Variants in MTA3 observed in about 807,000 individuals in gnomAD.
The protein encoded by MTA3 is metastasis associated 1 family member 3.
In MTA3, 34 loss-of-function variants were observed where a neutral mutation model predicts 83.5. That is an observed-to-expected ratio of 0.41 (90% CI 0.31 to 0.54). The LOEUF (loss-of-function observed/expected upper bound fraction) is 0.54. Ranked by LOEUF, MTA3 falls within the 20% of genes least tolerant of loss-of-function variation. MTA3 has a pLI of 0.33. For synonymous variants in MTA3, 303 were observed against 252.7 expected, an observed-to-expected ratio of 1.20 and a Z score of -1.89; for missense variants, 761 against 726.4, an observed-to-expected ratio of 1.05 and a Z score of -0.55.
chr2:42,599,467 G>A (rs1434764357), intron 3 of MTA3, among the ~76,000 whole-genome samples: 4 of 151,976 alleles, frequency 2.6e-5, no homozygotes, highest in Admixed American at 2.6e-4. Context: ...GTGGTGGCGG[G>A]CGCCTCCAGC....
intron 8 of MTA3, among the ~76,000 whole-genome samples, chr2:42,678,705 C>T (rs1416425768): frequency 2.0e-5 from 3 of 152,164 alleles, no homozygotes; most frequent in Non-Finnish European, 2.9e-5. Flanking sequence ...TTTACATGTT[C>T]TAAATACTGC....
At position 42,610,374 on chromosome 2, in the gene MTA3, A is replaced by G. The variant is rs115998816; in HGVS notation, c.317+790A>G. ...GGATGAAAACTTTATATTCTTTACT[A>G]TTCCTTAATAACACCTGATGTATGC... On this transcript the variant is annotated intron_variant, in intron 4 of 16. Coordinates refer to ENST00000405094, the MANE Select transcript of MTA3 (RefSeq NM_001330442.2). Among the ~76,000 whole-genome samples, 668 of 152,282 alleles carry G rather than the reference A, an allele frequency of 4.4e-3. 5 individuals are homozygous for G. The highest frequency in any genetic ancestry group is 0.015 in the African/African-American group (640 of 41,570).
chr2:42,540,894 G>A (rs1460013408), intron 2 of MTA3, among the ~76,000 whole-genome samples: 1 of 151,318 alleles, frequency 6.6e-6, no homozygotes, highest in African/African-American at 2.4e-5. Context: ...GCCTTTTAAT[G>A]TTAGCCATTC....
chr2:42,611,294 A>G (rs1684181109), intron 4 of MTA3, among the ~76,000 whole-genome samples: 2 of 147,034 alleles, frequency 1.4e-5, no homozygotes, highest in African/African-American at 5.1e-5. Flanking sequence ...AGGTTTGTAG[A>G]CTTTCTAAAG....
At chr2:42,582,427 A>G (rs1390884816) in intron 3 of MTA3, among the ~76,000 whole-genome samples, 1 of 152,190 alleles carries the variant, frequency 6.6e-6, no homozygotes, top group South Asian at 2.1e-4. Context: ...TTGCATATAT[A>G]CTTTAATACA....
intron 9 of MTA3, among the ~76,000 whole-genome samples, chr2:42,693,622 C>G (rs757409921): frequency 1.3e-5 from 2 of 151,952 alleles, no homozygotes; most frequent in East Asian, 1.9e-4. Context: ...GGAATGCTGT[C>G]CGGCCTGGGA....
At chr2:42,549,316 TAA>T (rs1676968151) in intron 2 of MTA3, among the ~76,000 whole-genome samples, 1 of 117,428 alleles carries the variant, frequency 8.5e-6, no homozygotes, top group Non-Finnish European at 1.7e-5. Flanking sequence ...ATATAATATA[TAA>T]TATATTATAT....
intron 9 of MTA3, among the ~76,000 whole-genome samples, chr2:42,692,894 A>C (rs373519555): frequency 4.6e-5 from 7 of 152,312 alleles, no homozygotes; most frequent in African/African-American, 1.7e-4. Context: ...TGTAGTCTTC[A>C]CAGTCTGGGC....
chr2:42,582,989 T>A (rs962964793), intron 3 of MTA3, among the ~76,000 whole-genome samples: 1 of 152,134 alleles, frequency 6.6e-6, no homozygotes, highest in Non-Finnish European at 1.5e-5. Context: ...TTTCATAACT[T>A]CTTAGTGATT....
chr2:42,616,588 T>C (rs1470528484), intron 4 of MTA3, among the ~76,000 whole-genome samples: 2 of 133,440 alleles, frequency 1.5e-5, no homozygotes, highest in Non-Finnish European at 1.6e-5. Flanking sequence ...TTTTTTTTTT[T>C]TTTTTTTTGA....
intron 2 of MTA3, among the ~76,000 whole-genome samples, chr2:42,496,395 T>TCAATATAATCTGG (rs1172042485): frequency 6.6e-6 from 1 of 152,204 alleles, no homozygotes; most frequent in Admixed American, 6.5e-5. Flanking sequence ...TAGGCTTGTC[T>TCAATATAATCTGG]CAATATAATC....
At chr2:42,628,734 A>C (rs897476117) in intron 4 of MTA3, among the ~76,000 whole-genome samples, 5 of 149,862 alleles carry the variant, frequency 3.3e-5, no homozygotes, top group African/African-American at 1.2e-4. Flanking sequence ...GTCTCTTTTT[A>C]AAACTGAGTT....
At chr2:42,504,476 G>C (rs532948330) in intron 2 of MTA3, among the ~76,000 whole-genome samples, 1 of 152,102 alleles carries the variant, frequency 6.6e-6, no homozygotes, top group African/African-American at 2.4e-5. Flanking sequence ...CCTGACCTCA[G>C]GTGATCCAGC....
At chr2:42,667,608 GTA>G (rs1553379040) in intron 8 of MTA3, among the ~76,000 whole-genome samples, 3 of 119,326 alleles carry the variant, frequency 2.5e-5, no homozygotes, top group East Asian at 2.2e-4. Flanking sequence ...GTGTGTGTGT[GTA>G]TAGAGAGAGA....
intron 13 of MTA3, 141 bp from the exon 14 acceptor site, chr2:42,708,733 T>C: frequency 1.2e-6 from 1 of 841,282 alleles, no homozygotes; most frequent in African/African-American, 1.7e-5. Flanking sequence ...ATTCTCTCTT[T>C]TAGAGGTAGT....
intron 2 of MTA3, among the ~76,000 whole-genome samples, chr2:42,554,874 A>G (rs1321253678): frequency 6.6e-6 from 1 of 152,078 alleles, no homozygotes; most frequent in African/African-American, 2.4e-5. Context: ...ACACCCTACT[A>G]CCCTTCTTCC....
At chr2:42,655,433 C>G (rs1689076539) in intron 6 of MTA3, among the ~76,000 whole-genome samples, 1 of 152,100 alleles carries the variant, frequency 6.6e-6, no homozygotes, top group South Asian at 2.1e-4. Context: ...CCCTTTAGTT[C>G]TTAGCAGAAG....
intron 2 of MTA3, among the ~76,000 whole-genome samples, chr2:42,519,246 C>G (rs1675299367): frequency 1.3e-5 from 2 of 152,086 alleles, no homozygotes; most frequent in South Asian, 4.1e-4. Context: ...TCAGACAAAT[C>G]CCAATAGAGG....
chr2:42,701,106 T>C (rs770069477), intron 11 of MTA3, among the ~76,000 whole-genome samples: 8 of 151,570 alleles, frequency 5.3e-5, no homozygotes, highest in Non-Finnish European at 1.2e-4. Flanking sequence ...TCTAAAAAAA[T>C]TAAGTAGATA....
Sources: gnomAD v4.1 joint callset for allele counts (sites outside exome capture counted in the v4.1 genomes callset) on GRCh38, gnomAD v4.1.1 for gene constraint, MANE v1.5 for transcripts, NCBI Gene and HGNC (gene_info 2026-07-23, HGNC 2026-07-21) for gene names.